Variants in LHPP observed in about 807,000 individuals in gnomAD.
LHPP encodes phospholysine phosphohistidine inorganic pyrophosphate phosphatase, also known as hLHPP.
In LHPP, 24 loss-of-function variants were observed where a neutral mutation model predicts 30.3. The ratio of observed to expected loss-of-function variants is 0.79; its 90% CI spans 0.57 to 1.11. The LOEUF is 1.11. LHPP is among the 50% of genes most tolerant of loss of function. The probability of loss-of-function intolerance (pLI) is 0.00; values close to 1 mark genes in which losing one functional copy is unlikely to be tolerated. For synonymous variants in LHPP, 150 were observed against 157.1 expected, an observed-to-expected ratio of 0.95 and a Z score of 0.34; for missense variants, 356 against 367.2, an observed-to-expected ratio of 0.97 and a Z score of 0.25.
At chr10:124,607,413 T>C (rs1949109431) in intron 6 of LHPP, among the ~76,000 whole-genome samples, 2 of 152,270 alleles carry the variant, frequency 1.3e-5, no homozygotes, top group Admixed American at 1.3e-4. Flanking sequence ...CGATTTCCGC[T>C]GCGTGTGGGC....
chr10:124,596,046 C>A lies in LHPP; in HGVS notation c.717-17218C>A, dbSNP rs529704187. ...GTGAATGGGCTCCTACCCATGAACA[C>A]CCACCGTTCATTTCATCCGTGTTGT... On this transcript the variant is annotated intron_variant, in intron 6 of 6. Transcript: ENST00000368842. The surrounding 1 kb of genome is among the most constrained non-coding windows in gnomAD (Gnocchi z 4.6). Among the ~76,000 whole-genome samples the A allele has an allele frequency of 6.6e-6, 1 of 152,280 alleles. No homozygotes were observed. The highest frequency in any genetic ancestry group is 2.1e-4 in the South Asian group (1 of 4,824).
chr10:124,493,200 G>A (rs1332662663), intron 3 of LHPP, among the ~76,000 whole-genome samples: 1 of 151,964 alleles, frequency 6.6e-6, no homozygotes, highest in Non-Finnish European at 1.5e-5. Flanking sequence ...TTTTTTTAAA[G>A]TAGGAGATTA....
At chr10:124,553,812 C>A in intron 6 of LHPP, 1 of 806,832 alleles carries the variant, frequency 1.2e-6, no homozygotes. Flanking sequence ...ACCTTGGGAG[C>A]TGCACAGAGA....
chr10:124,593,309 C>T lies in LHPP; in HGVS notation c.717-19955C>T, dbSNP rs181970545. ...CCCATCTGCCCAGAACCAGGCTGCG[C>T]TCTCGGGAGGGAAACAGACTCTTAT... On this transcript the variant is annotated intron_variant, in intron 6 of 6. Transcript: ENST00000368842. This position sits in a 1 kb window ranked among gnomAD's most constrained non-coding sequence, Gnocchi z 4.9. Among the ~76,000 whole-genome samples, 371 of 151,180 alleles carry T rather than the reference C, an allele frequency of 2.5e-3. 1 individual carries two copies. The highest frequency in any genetic ancestry group is 8.6e-3 in the African/African-American group (354 of 41,388).
chr10:124,591,694 C>G lies in LHPP; in HGVS notation c.717-21570C>G, dbSNP rs940953662. The stretch of plus-strand genomic sequence containing the variant: ...TTCAGTGATCAATTTCAGATCTTTC[C>G]TCTCTTCTAACAAGCATTTGGTACT... On this transcript the variant is annotated intron_variant, in intron 6 of 6. Transcript: ENST00000368842. Among the ~76,000 whole-genome samples the G allele has an allele frequency of 2.0e-5, 3 of 151,918 alleles. No homozygotes were observed. In the East Asian group the frequency reaches 5.8e-4, roughly 29 times the overall value.
rs539377105 is a variant in LHPP, at chr10:124,593,185, T to C, written c.717-20079T>C. ...AGCACATGCCCCCTGCCCTGGTCCC[T>C]GGATTGCAAGTCCAGACAGAAGAGA... On this transcript the variant is annotated intron_variant, in intron 6 of 6. Coordinates refer to ENST00000368842, the MANE Select transcript of LHPP (RefSeq NM_022126.4). This position sits in a 1 kb window ranked among gnomAD's most constrained non-coding sequence, Gnocchi z 4.9. 2.0e-5 allele frequency among the ~76,000 whole-genome samples: 3 copies of C among 151,424 alleles called. No individual in the cohort carries two copies. The South Asian group carries it at 6.4e-4, about 32-fold the overall frequency.
intron 6 of LHPP, among the ~76,000 whole-genome samples, chr10:124,569,451 C>T (rs906195421): frequency 8.5e-5 from 13 of 152,170 alleles, no homozygotes; most frequent in African/African-American, 3.1e-4. Flanking sequence ...GGGCCAGGCG[C>T]TGAGTTCTGT....
At chr10:124,567,034 C>A (rs529229236) in intron 6 of LHPP, among the ~76,000 whole-genome samples, 1 of 152,290 alleles carries the variant, frequency 6.6e-6, no homozygotes, top group Non-Finnish European at 1.5e-5. Context: ...GCAGAGCTCC[C>A]GGTGGAGAGG....
intron 4 of LHPP, among the ~76,000 whole-genome samples, chr10:124,497,621 G>A (rs542466063): frequency 5.3e-5 from 8 of 152,340 alleles, no homozygotes; most frequent in South Asian, 4.1e-4. Flanking sequence ...CCTGCCTGCC[G>A]TCAGGTGGGA....
intron 5 of LHPP, among the ~76,000 whole-genome samples, chr10:124,500,589 T>C (rs1360461346): frequency 6.6e-6 from 1 of 151,896 alleles, no homozygotes; most frequent in Non-Finnish European, 1.5e-5. Flanking sequence ...AATCACGATT[T>C]TTGGATGTAA....
At chr10:124,487,442 C>CT (rs140426240) in intron 2 of LHPP, among the ~76,000 whole-genome samples, 150 of 107,782 alleles carry the variant, frequency 1.4e-3, no homozygotes, top group African/African-American at 2.5e-3. Context: ...TTCTTTCTTT[C>CT]TTTTTTTTTT....
chr10:124,570,559 A>C (rs535550460), intron 6 of LHPP, among the ~76,000 whole-genome samples: 1 of 152,230 alleles, frequency 6.6e-6, no homozygotes, highest in East Asian at 1.9e-4. Context: ...TGCAACTATC[A>C]CCTCTAATTC....
At chr10:124,472,306 C>CT (rs1440551424) in intron 1 of LHPP, among the ~76,000 whole-genome samples, 1 of 152,084 alleles carries the variant, frequency 6.6e-6, no homozygotes, top group African/African-American at 2.4e-5. Context: ...CAGCAAGACT[C>CT]TGTCTCAAAA....
intron 6 of LHPP, among the ~76,000 whole-genome samples, chr10:124,603,046 G>T (rs1464321185): frequency 1.0e-5 from 1 of 99,012 alleles, no homozygotes; most frequent in Non-Finnish European, 2.3e-5. Context: ...CCTGGGAGGG[G>T]TACTGGGGCT....
Position 124,491,479 on chromosome 10 carries a change from G to C in LHPP, c.467+2904G>C, listed in dbSNP as rs533040498. Among the ~76,000 whole-genome samples the C allele has an allele frequency of 3.9e-5, 6 of 152,306 alleles. No individual in the cohort carries two copies. In the South Asian group the frequency reaches 1.2e-3, roughly 32 times the overall value. ...GCAGGTCATTGCTGTTTTGCAAGTG[G>C]GGTTGTTGAAGCCACAGGAGATGAA... On this transcript the variant is annotated intron_variant, in intron 3 of 6. Transcript: ENST00000368842.
rs190649591 is a variant in LHPP, at chr10:124,470,789, G to A, written c.125+8802G>A. Among the ~76,000 whole-genome samples, 39 of 152,258 alleles carry A rather than the reference G, an allele frequency of 2.6e-4. 1 individual carries two copies. Among genetic ancestry groups the A allele is most frequent in the African/African-American group, 9.1e-4 (38 of 41,544 alleles). ...TGCCGGAGGGGTCTGGCAGGACATT[G>A]TAGGGAGAGGGCCATTTGTTTGCAT... On this transcript the variant is annotated intron_variant, in intron 1 of 6. Coordinates refer to ENST00000368842, the MANE Select transcript of LHPP (RefSeq NM_022126.4).
At chr10:124,524,601 A>T (rs553589008) in intron 6 of LHPP, among the ~76,000 whole-genome samples, 1 of 152,124 alleles carries the variant, frequency 6.6e-6, no homozygotes, top group African/African-American at 2.4e-5. Flanking sequence ...CATTTGAAAA[A>T]TTTAGAAAAA....
intron 2 of LHPP, among the ~76,000 whole-genome samples, chr10:124,487,889 A>G (rs532663503): frequency 6.6e-6 from 1 of 152,326 alleles, no homozygotes; most frequent in South Asian, 2.1e-4. Context: ...GGGAAGACAA[A>G]GAAGGAGAAG....
chr10:124,613,228 T>A, intron 6 of LHPP, 36 bp from the exon 7 acceptor site: 1 of 1,496,982 alleles, frequency 6.7e-7, no homozygotes. Flanking sequence ...GGGGTCAGCG[T>A]GGGGGCACTG....
Sources: allele counts gnomAD v4.1 joint callset (sites outside exome capture counted in the v4.1 genomes callset), GRCh38; gene constraint gnomAD v4.1.1; non-coding constraint Gnocchi (gnomAD v3.1); transcripts MANE v1.5; gene names NCBI Gene and HGNC (gene_info 2026-07-23, HGNC 2026-07-21).